NTM: variants seen among roughly 807,000 people sequenced by gnomAD.
The protein encoded by NTM is neurotrimin.
Under a neutral mutation model 42.1 loss-of-function variants are expected in NTM, and 13 were observed. The observed-to-expected ratio is 0.31, with a 90% CI of 0.20 to 0.49. The LOEUF (loss-of-function observed/expected upper bound fraction) is 0.49. Ranked by LOEUF, NTM falls within the 20% of genes least tolerant of loss-of-function variation. NTM has a pLI of 0.99. For missense variants in NTM, 373 were observed against 452.8 expected, an observed-to-expected ratio of 0.82 and a Z score of 1.60; for synonymous variants, 187 against 179.2, an observed-to-expected ratio of 1.04 and a Z score of -0.35.
rs189474431 is a variant in NTM at position 131,437,289 on chromosome 11, G to A, written c.82+66401G>A. ...ATTTGGGGTGGAGAGTTCTGTAGAT[G>A]TCTATTAGGTCCACTTGGTGCAGAA... On this transcript the variant is annotated intron_variant, in intron 1 of 8. Coordinates refer to ENST00000683400, the MANE Select transcript of NTM (RefSeq NM_001352005.2). Among the ~76,000 whole-genome samples the A allele has an allele frequency of 9.2e-3, 1,408 of 152,318 alleles. 12 individuals are homozygous for A. Among genetic ancestry groups the A allele is most frequent in the Non-Finnish European group, 0.013 (916 of 68,022 alleles).
chr11:131,735,363 T>A (rs964030115), intron 1 of NTM, among the ~76,000 whole-genome samples: 4 of 152,180 alleles, frequency 2.6e-5, no homozygotes, highest in Admixed American at 2.0e-4. Context: ...AACATAGATG[T>A]AATGTTCAGT....
At position 131,610,146 on chromosome 11, in the gene NTM, C is replaced by T. The variant is rs118052748; in HGVS notation, c.82+239258C>T. Among the ~76,000 whole-genome samples the T allele has an allele frequency of 2.4e-4, 37 of 152,276 alleles. No individual in the cohort carries two copies. The East Asian group carries it at 3.3e-3, about 14-fold the overall frequency. On this transcript the variant is annotated intron_variant, in intron 1 of 8. Coordinates refer to ENST00000683400, the MANE Select transcript of NTM (RefSeq NM_001352005.2). ...AAACAATCGTTAAACTGTCCAACAA[C>T]GAGCTGGGTAAACTGAGAGAAAATA...
At chr11:131,787,845 T>C (rs1162246670) in intron 1 of NTM, among the ~76,000 whole-genome samples, 1 of 152,238 alleles carries the variant, frequency 6.6e-6, no homozygotes, top group Non-Finnish European at 1.5e-5. Flanking sequence ...CTGTTCAGCG[T>C]TTCTACTTTC....
chr11:132,116,672 C>T (rs1161099512), intron 2 of NTM, among the ~76,000 whole-genome samples: 2 of 152,110 alleles, frequency 1.3e-5, no homozygotes. Context: ...GGAAGGAAGG[C>T]ATGCATAGGT....
chr11:131,865,773 T>C lies in NTM; in HGVS notation c.83-45791T>C, dbSNP rs533901560. On this transcript the variant is annotated intron_variant, in intron 1 of 8. Transcript: ENST00000683400. ...ACACAAGCTACACACACATGCTACA[T>C]ACACACATGCTACACACACACCTCC... is the stretch of plus-strand genomic sequence containing the variant. Among the ~76,000 whole-genome samples, 13 of 145,754 alleles carry C rather than the reference T, an allele frequency of 8.9e-5. No individual in the cohort carries two copies. In the East Asian group the frequency reaches 2.8e-3, roughly 31 times the overall value.
chr11:131,713,705 T>A (rs534487199), intron 1 of NTM, among the ~76,000 whole-genome samples: 1 of 152,330 alleles, frequency 6.6e-6, no homozygotes, highest in African/African-American at 2.4e-5. Context: ...TGCTGTGTTG[T>A]TAGCGTGGCA....
intron 2 of NTM, among the ~76,000 whole-genome samples, chr11:132,078,414 T>TG (rs1399515855): frequency 1.3e-5 from 2 of 152,222 alleles, no homozygotes; most frequent in Non-Finnish European, 2.9e-5. Context: ...CTGGGGTACC[T>TG]GGGTGAGTGC....
chr11:131,655,570 C>T (rs1321141634), intron 1 of NTM, among the ~76,000 whole-genome samples: 1 of 152,146 alleles, frequency 6.6e-6, no homozygotes, highest in Admixed American at 6.5e-5. Flanking sequence ...GTAAAAGACA[C>T]GTATGGGAGG....
At chr11:131,611,791 G>A (rs1205900545) in intron 1 of NTM, among the ~76,000 whole-genome samples, 1 of 152,130 alleles carries the variant, frequency 6.6e-6, no homozygotes, top group Non-Finnish European at 1.5e-5. Context: ...AACCAAGGTG[G>A]GAAAGACCAG....
chr11:131,395,003 C>A (rs767715883), intron 1 of NTM, among the ~76,000 whole-genome samples: 2 of 152,116 alleles, frequency 1.3e-5, no homozygotes, highest in Non-Finnish European at 2.9e-5. Flanking sequence ...GTGTTAGGTA[C>A]GGGACCTTTC....
chr11:132,080,781 A>C (rs1000169285), intron 2 of NTM, among the ~76,000 whole-genome samples: 9 of 152,202 alleles, frequency 5.9e-5, no homozygotes, highest in Non-Finnish European at 1.2e-4. Context: ...TCTAAAAAAA[A>C]CTGTGAAATG....
chr11:132,051,287 A>G (rs2078822031), intron 2 of NTM, among the ~76,000 whole-genome samples: 1 of 152,208 alleles, frequency 6.6e-6, no homozygotes, highest in Non-Finnish European at 1.5e-5. Flanking sequence ...AACCCTGTGA[A>G]GCAGGTACCA....
At chr11:131,886,365 T>C (rs997135011) in intron 1 of NTM, among the ~76,000 whole-genome samples, 1 of 152,178 alleles carries the variant, frequency 6.6e-6, no homozygotes, top group Non-Finnish European at 1.5e-5. Context: ...CTCAATGAAA[T>C]TCTCTGCCCA....
chr11:131,638,950 A>G (rs2064787341), intron 1 of NTM, among the ~76,000 whole-genome samples: 1 of 152,202 alleles, frequency 6.6e-6, no homozygotes, highest in Non-Finnish European at 1.5e-5. Context: ...CTTCTGAAAA[A>G]CTTTGTATAA....
intron 1 of NTM, among the ~76,000 whole-genome samples, chr11:131,385,938 A>C (rs1341606467): frequency 6.6e-6 from 1 of 152,182 alleles, no homozygotes; most frequent in East Asian, 1.9e-4. Flanking sequence ...CTAAACATGG[A>C]ATTACCATAT....
intron 4 of NTM, among the ~76,000 whole-genome samples, chr11:132,212,632 T>G (rs1362341258): frequency 6.6e-6 from 1 of 152,238 alleles, no homozygotes; most frequent in African/African-American, 2.4e-5. Flanking sequence ...TTACTCCGAT[T>G]GATCCTAGAG....
At chr11:131,392,199 C>G (rs1166091958) in intron 1 of NTM, among the ~76,000 whole-genome samples, 1 of 152,220 alleles carries the variant, frequency 6.6e-6, no homozygotes, top group East Asian at 1.9e-4. Context: ...CGCATTGACT[C>G]TGCTGCCGCG....
intron 1 of NTM, among the ~76,000 whole-genome samples, chr11:131,714,276 C>T (rs1373133028): frequency 6.6e-6 from 1 of 152,222 alleles, no homozygotes; most frequent in African/African-American, 2.4e-5. Flanking sequence ...GCAACCTCCA[C>T]CTCCAGGGTT....
chr11:131,858,102 T>C (rs2046283722), intron 1 of NTM, among the ~76,000 whole-genome samples: 1 of 152,160 alleles, frequency 6.6e-6, no homozygotes, highest in Non-Finnish European at 1.5e-5. Context: ...TATGAGGTTC[T>C]GGAATACATA....
Sources: gnomAD v4.1 joint callset for allele counts (sites outside exome capture counted in the v4.1 genomes callset) on GRCh38, gnomAD v4.1.1 for gene constraint, MANE v1.5 for transcripts, NCBI Gene and HGNC (gene_info 2026-07-23, HGNC 2026-07-21) for gene names.